ROBO2: variants seen among roughly 807,000 people sequenced by gnomAD.
ROBO2 encodes roundabout homolog 2.
Under a neutral mutation model 160.8 loss-of-function variants are expected in ROBO2, and 53 were observed. The observed-to-expected ratio is 0.33, with a 90% CI of 0.26 to 0.41. The LOEUF is 0.41. ROBO2 is among the 10% of genes least tolerant of loss of function. The pLI is 1.00. For missense variants in ROBO2, 1,577 were observed against 1,722.4 expected, an observed-to-expected ratio of 0.92 and a Z score of 1.49; for synonymous variants, 664 against 611.7, an observed-to-expected ratio of 1.09 and a Z score of -1.26.
intron 2 of ROBO2, among the ~76,000 whole-genome samples, chr3:77,178,089 A>G (rs916951839): frequency 1.3e-5 from 2 of 152,004 alleles, no homozygotes; most frequent in Non-Finnish European, 2.9e-5. Context: ...ATCTATAAAC[A>G]ACATAAAATT....
chr3:77,454,162 T>C (rs1231141073), intron 2 of ROBO2, among the ~76,000 whole-genome samples: 3 of 151,988 alleles, frequency 2.0e-5, no homozygotes, highest in Non-Finnish European at 4.4e-5. Context: ...GGTACAAATA[T>C]TTGCTAGCTT....
intron 2 of ROBO2, among the ~76,000 whole-genome samples, chr3:77,312,879 A>G (rs1020465336): frequency 6.6e-6 from 1 of 152,242 alleles, no homozygotes; most frequent in Non-Finnish European, 1.5e-5. Context: ...TTAAAAACTC[A>G]GAAATCTTAA....
intron 2 of ROBO2, among the ~76,000 whole-genome samples, chr3:76,703,928 A>T (rs953304423): frequency 6.6e-6 from 1 of 152,030 alleles, no homozygotes; most frequent in African/African-American, 2.4e-5. Context: ...AAATGTTGAG[A>T]ATTAAAATGT....
intron 2 of ROBO2, among the ~76,000 whole-genome samples, chr3:77,420,457 A>G (rs1352957511): frequency 1.1e-4 from 17 of 152,134 alleles, no homozygotes; most frequent in Admixed American, 1.1e-3. Flanking sequence ...GACTGGCTCT[A>G]CCAATCAGGC....
At chr3:76,403,964 A>G (rs1234744477) in intron 2 of ROBO2, among the ~76,000 whole-genome samples, 2 of 151,678 alleles carry the variant, frequency 1.3e-5, no homozygotes, top group African/African-American at 4.8e-5. Context: ...CTATGAGTTA[A>G]GAAATCTGAG....
At chr3:77,596,502 C>G (rs2094306364) in intron 18 of ROBO2, 121 bp from the exon 20 acceptor site, 3 of 1,236,408 alleles carry the variant, frequency 2.4e-6, no homozygotes, top group Middle Eastern at 1.9e-4. Context: ...AGGGAGTCTA[C>G]TTATATTAAT....
At chr3:76,690,112 C>A (rs1192307574) in intron 2 of ROBO2, among the ~76,000 whole-genome samples, 40 of 152,026 alleles carry the variant, frequency 2.6e-4, no homozygotes, top group Non-Finnish European at 1.5e-5. Context: ...AAATGTCTGG[C>A]AGCAAGGGGA....
At chr3:77,041,573 T>C (rs527475284) in intron 1 of ROBO2, among the ~76,000 whole-genome samples, 1 of 152,324 alleles carries the variant, frequency 6.6e-6, no homozygotes. Flanking sequence ...TTCTCTTGTC[T>C]TTTGTTCCGA....
intron 2 of ROBO2, among the ~76,000 whole-genome samples, chr3:76,962,854 C>G (rs909963301): frequency 6.6e-6 from 1 of 152,046 alleles, no homozygotes; most frequent in African/African-American, 2.4e-5. Context: ...ATTCTCTAGT[C>G]CTATTGCTGT....
At chr3:76,765,475 A>T (rs756803485) in intron 2 of ROBO2, among the ~76,000 whole-genome samples, 4 of 151,602 alleles carry the variant, frequency 2.6e-5, no homozygotes, top group Non-Finnish European at 4.4e-5. Context: ...TCTGGGCAGG[A>T]TCGTGAGTGC....
chr3:76,185,912 C>T (rs1430555403), intron 2 of ROBO2, among the ~76,000 whole-genome samples: 9 of 147,510 alleles, frequency 6.1e-5, no homozygotes, highest in East Asian at 2.0e-4. Flanking sequence ...GGAATAGATT[C>T]ATTTCTCATT....
chr3:77,003,271 A>G (rs2061418889), intron 2 of ROBO2, among the ~76,000 whole-genome samples: 1 of 152,184 alleles, frequency 6.6e-6, no homozygotes, highest in African/African-American at 2.4e-5. Context: ...AAAATATGGG[A>G]GCAAGACACC....
chr3:76,258,476 C>T (rs564259939), intron 2 of ROBO2, among the ~76,000 whole-genome samples: 4 of 151,962 alleles, frequency 2.6e-5, no homozygotes, highest in South Asian at 4.1e-4. Flanking sequence ...TAAACTTTTA[C>T]GTAACTTATA....
At chr3:77,145,684 T>C (rs2077064853) in intron 2 of ROBO2, among the ~76,000 whole-genome samples, 1 of 152,168 alleles carries the variant, frequency 6.6e-6, no homozygotes, top group Non-Finnish European at 1.5e-5. Context: ...AATGAGATAA[T>C]CGATGGAAAG....
At chr3:77,167,046 A>T (rs1366293334) in intron 2 of ROBO2, among the ~76,000 whole-genome samples, 2 of 152,198 alleles carry the variant, frequency 1.3e-5, no homozygotes, top group African/African-American at 4.8e-5. Flanking sequence ...TAAGTTCATT[A>T]TACTATCAGT....
At chr3:76,237,322 A>C (rs1169398263) in intron 2 of ROBO2, among the ~76,000 whole-genome samples, 1 of 152,216 alleles carries the variant, frequency 6.6e-6, no homozygotes, top group Non-Finnish European at 1.5e-5. Context: ...TATAATCATT[A>C]ATGGTTTTGT....
At chr3:76,830,767 C>T (rs2067012952) in intron 2 of ROBO2, among the ~76,000 whole-genome samples, 1 of 147,088 alleles carries the variant, frequency 6.8e-6, no homozygotes, top group Non-Finnish European at 1.5e-5. Flanking sequence ...GCTTGAGACC[C>T]AGAATTTGAG....
At chr3:75,982,279 GTAT>G (rs1316046038) in intron 2 of ROBO2, among the ~76,000 whole-genome samples, 1 of 150,816 alleles carries the variant, frequency 6.6e-6, no homozygotes, top group African/African-American at 2.4e-5. Flanking sequence ...TTTCTCTTTG[GTAT>G]ATACTTAGCA....
intron 2 of ROBO2, among the ~76,000 whole-genome samples, chr3:77,365,522 A>G (rs1334389079): frequency 6.6e-6 from 1 of 152,138 alleles, no homozygotes; most frequent in East Asian, 1.9e-4. Context: ...GCGATAGTAT[A>G]CCCTTGTCTA....
Sources: gnomAD v4.1 joint callset for allele counts (sites outside exome capture counted in the v4.1 genomes callset) on GRCh38, gnomAD v4.1.1 for gene constraint, MANE v1.5 for transcripts, NCBI Gene and HGNC (gene_info 2026-07-23, HGNC 2026-07-21) for gene names.